Variants in NEMP2 observed in about 807,000 individuals in gnomAD.
NEMP2 encodes the protein nuclear envelope integral membrane protein 2.
Under a neutral mutation model 54.2 loss-of-function variants are expected in NEMP2, and 53 were observed. The observed-to-expected ratio is 0.98, with a 90% CI of 0.78 to 1.23. NEMP2 has a LOEUF of 1.23. Among genes scored for constraint, NEMP2 ranks in the 50% most tolerant of loss-of-function variants. The probability of loss-of-function intolerance (pLI) is 0.00; values close to 1 mark genes in which losing one functional copy is unlikely to be tolerated. For synonymous variants in NEMP2, 197 were observed against 190.3 expected (o/e 1.04, Z -0.29); for missense variants, 455 against 511.3 (o/e 0.89, Z 1.06).
At chr2:190,517,672 A>C in intron 4 of NEMP2, 59 bp from the exon 5 acceptor site, 1 of 1,223,814 alleles carries the variant, frequency 8.2e-7, no homozygotes, top group Non-Finnish European at 1.2e-6. Context: ...GAGTATGAAA[A>C]ACATGTTTAA....
At chr2:190,452,350 T>A in the NEMP2 span, among the ~76,000 whole-genome samples, 1 of 152,182 alleles carries the variant, frequency 6.6e-6, no homozygotes, top group Admixed American at 6.5e-5. Context: ...AAATAGTAAT[T>A]ATACTACCAT....
At chr2:190,536,447 CCT>C (rs1444301355), upstream of NEMP2, among the ~76,000 whole-genome samples, 1 of 152,158 alleles carries the variant, frequency 6.6e-6, no homozygotes, top group Non-Finnish European at 1.5e-5. Flanking sequence ...GCTGGGAAAC[CCT>C]CTCTCACTCA....
At chr2:190,453,293 T>C in the NEMP2 span, among the ~76,000 whole-genome samples, 1 of 152,066 alleles carries the variant, frequency 6.6e-6, no homozygotes, top group African/African-American at 2.4e-5. Context: ...GTGTGGGCTC[T>C]GGGTAGGGGA....
the NEMP2 span, among the ~76,000 whole-genome samples, chr2:190,463,061 A>G: frequency 8.2e-4 from 125 of 152,296 alleles, no homozygotes; most frequent in Non-Finnish European, 1.7e-3. The surrounding 1 kb of genome is among the most constrained non-coding windows in gnomAD (Gnocchi z 4.4). Context: ...GGACAAAAAA[A>G]GGGGAGAGAA....
chr2:190,534,586 C>G lies in NEMP2; in HGVS notation c.70G>C (p.Gly24Arg). The G allele has an allele frequency of 1.4e-6, 2 of 1,397,264 alleles. No individual in the cohort carries two copies. The highest frequency in any genetic ancestry group is 1.5e-5 in the African/African-American group (1 of 66,252). 86.6% of individuals were successfully genotyped at this position (1,397,264 alleles called of 1,614,324 possible). ...GATAACGCTGCCGCCGCCGCCTCCCCGCGCACGGGCAGTGTGGCCAGGGGC... is the reference window on the plus strand; with the variant it reads ...GATAACGCTGCCGCCGCCGCCTCCCGGCGCACGGGCAGTGTGGCCAGGGGC... ...LPPLATLPVRGEAAAAALSVR... is the reference protein window; with the variant it reads ...LPPLATLPVRREAAAAALSVR... Residue 24 changes from glycine (G) to arginine (R), a missense_variant, in exon 1 of 9, where the codon GGG (glycine) becomes CGG (arginine). Physicochemically the swap from Gly to Arg is moderately radical, Grantham distance 125 (BLOSUM62 -2). Coordinates refer to ENST00000409150, the MANE Select transcript of NEMP2 (RefSeq NM_001142645.2).
At chr2:190,640,786 A>G in the NEMP2 span, among the ~76,000 whole-genome samples, 1 of 119,302 alleles carries the variant, frequency 8.4e-6, no homozygotes, top group Non-Finnish European at 1.7e-5. Context: ...TAACACATTC[A>G]ATTTTTTTTT....
chr2:190,534,042 T>G, intron 1 of NEMP2: 1 of 936,148 alleles, frequency 1.1e-6, no homozygotes, highest in Non-Finnish European at 1.2e-6. Context: ...TTATGTTTAC[T>G]CGCTCAAGGT....
In NEMP2 at chr2:190,509,426, T is replaced by A; in HGVS notation, c.1131-114A>T. The A allele has an allele frequency of 8.2e-7, 1 of 1,212,472 alleles. No homozygotes were observed. The highest frequency in any genetic ancestry group is 1.2e-6 in the Non-Finnish European group (1 of 860,162). 75.1% of individuals were successfully genotyped at this position (1,212,472 alleles called of 1,614,324 possible). On this transcript the variant is annotated intron_variant, in intron 8 of 8. Transcript: ENST00000409150. The surrounding 1 kb of genome is among the most constrained non-coding windows in gnomAD (Gnocchi z 6.1). ...TTAATTAAATTTGACTTTGCATCAA[T>A]ACAGGGTGGCATTTACACAGTGGGT... is the stretch of plus-strand genomic sequence containing the variant.
the NEMP2 span, among the ~76,000 whole-genome samples, chr2:190,493,876 G>C: frequency 2.0e-4 from 30 of 152,128 alleles, no homozygotes. Flanking sequence ...ATGCTAAGGG[G>C]AAAGGTCATA....
chr2:190,513,377 G>A lies in NEMP2; in HGVS notation c.953+1076C>T, dbSNP rs777743895. 1.3e-5 allele frequency among the ~76,000 whole-genome samples: 2 copies of A among 152,120 alleles called. No individual in the cohort carries two copies. The highest frequency in any genetic ancestry group is 2.9e-5 in the Non-Finnish European group (2 of 68,016). On this transcript the variant is annotated intron_variant, in intron 7 of 8. Coordinates refer to ENST00000409150, the MANE Select transcript of NEMP2 (RefSeq NM_001142645.2). This position sits in a 1 kb window ranked among gnomAD's most constrained non-coding sequence, Gnocchi z 5.3. Reference sequence around the variant, plus strand: ...GCTCAAGCTGAGTGGTAACAGCCCCGTTTTCAATGAGGTTGCTTTGTAGAG... The same window carrying A: ...GCTCAAGCTGAGTGGTAACAGCCCCATTTTCAATGAGGTTGCTTTGTAGAG...
At chr2:190,648,755 G>C in the NEMP2 span, 2 of 151,086 alleles carry the variant, frequency 1.3e-5, no homozygotes, top group South Asian at 4.1e-4. Flanking sequence ...CCCACTCCCG[G>C]CGCCCACTTG....
chr2:190,602,570 C>T, the NEMP2 span, among the ~76,000 whole-genome samples: 3 of 152,320 alleles, frequency 2.0e-5, no homozygotes, highest in Non-Finnish European at 2.9e-5. Context: ...GAGTTAACCA[C>T]GACAGGTTGA....
chr2:190,627,293 T>G, the NEMP2 span, among the ~76,000 whole-genome samples: 11 of 152,270 alleles, frequency 7.2e-5, no homozygotes, highest in African/African-American at 2.7e-4. This position sits in a 1 kb window ranked among gnomAD's most constrained non-coding sequence, Gnocchi z 4.4. Flanking sequence ...GGCACTCCAG[T>G]TGGAGTTCTA....
At chr2:190,646,350 G>A in the NEMP2 span, among the ~76,000 whole-genome samples, 9 of 152,316 alleles carry the variant, frequency 5.9e-5, no homozygotes, top group Non-Finnish European at 1.3e-4. Context: ...GGAGAAGACT[G>A]TGTGTGTGCT....
the NEMP2 span, among the ~76,000 whole-genome samples, chr2:190,569,653 A>G: frequency 1.3e-5 from 2 of 152,300 alleles, no homozygotes; most frequent in South Asian, 2.1e-4. Flanking sequence ...TGAAAAACCC[A>G]CCTCTTTTCC....
the NEMP2 span, among the ~76,000 whole-genome samples, chr2:190,639,485 C>T: frequency 1.3e-5 from 2 of 151,446 alleles, no homozygotes; most frequent in Non-Finnish European, 2.9e-5. Context: ...TTTTGTTGAC[C>T]TCCTGGTTTT....
the NEMP2 span, among the ~76,000 whole-genome samples, chr2:190,614,192 A>T: frequency 6.6e-6 from 1 of 152,224 alleles, no homozygotes; most frequent in African/African-American, 2.4e-5. The surrounding 1 kb of genome is among the most constrained non-coding windows in gnomAD (Gnocchi z 5.7). Context: ...CAGAGCCAAC[A>T]CTGAATCCTG....
chr2:190,551,670 C>T, the NEMP2 span, among the ~76,000 whole-genome samples: 1 of 152,142 alleles, frequency 6.6e-6, no homozygotes, highest in East Asian at 1.9e-4. Flanking sequence ...TTTTTCTGCT[C>T]ATTTTTTCCC....
the NEMP2 span, among the ~76,000 whole-genome samples, chr2:190,447,991 T>C: frequency 1.3e-5 from 2 of 152,238 alleles, no homozygotes; most frequent in Non-Finnish European, 2.9e-5. This position sits in a 1 kb window ranked among gnomAD's most constrained non-coding sequence, Gnocchi z 4.5. Flanking sequence ...GTGGTATAAA[T>C]GGATCCAGGG....
Sources: gnomAD v4.1 joint callset for allele counts (sites outside exome capture counted in the v4.1 genomes callset) on GRCh38, gnomAD v4.1.1 for gene constraint, Gnocchi (gnomAD v3.1) non-coding constraint, MANE v1.5 for transcripts, NCBI Gene and HGNC (gene_info 2026-07-23, HGNC 2026-07-21) for gene names.